Variants in FARP1 observed in about 807,000 individuals in gnomAD.
FARP1 encodes FERM, ARHGEF and pleckstrin domain-containing protein 1.
FARP1 carries 52 observed loss-of-function variants against 128.8 expected under a neutral mutation model. The ratio of observed to expected loss-of-function variants is 0.40; its 90% CI spans 0.32 to 0.51. FARP1 has a LOEUF of 0.51. Ranked by LOEUF, FARP1 falls within the 20% of genes least tolerant of loss-of-function variation. The pLI is 0.45. For synonymous variants in FARP1, 580 were observed against 551.8 expected (o/e 1.05, Z -0.72); for missense variants, 1,333 against 1,367.9 (o/e 0.97, Z 0.40).
At chr13:98,420,492 G>A (rs1347615498) in intron 16 of FARP1, among the ~76,000 whole-genome samples, 2 of 152,198 alleles carry the variant, frequency 1.3e-5, no homozygotes, top group Non-Finnish European at 2.9e-5. Context: ...TTGATACGAG[G>A]TCAGGAAGAC....
At position 98,176,446 on chromosome 13, in the gene FARP1, T is replaced by C; in HGVS notation, c.-24+32954T>C. The stretch of plus-strand genomic sequence containing the variant: ...CCTGCACTTGGTGACGACTGGGTTT[T>C]GGAAGGCCTGGCGACATATGAAACA... On this transcript the variant is annotated intron_variant, in intron 1 of 26. Transcript: ENST00000319562. The surrounding 1 kb of genome is among the most constrained non-coding windows in gnomAD (Gnocchi z 6.2). The C allele has an allele frequency of 1.2e-6, 2 of 1,614,240 alleles. No homozygotes were observed. The highest frequency in any genetic ancestry group is 1.7e-6 in the Non-Finnish European group (2 of 1,180,036).
At chr13:98,354,185 C>A (rs1340143524) in intron 3 of FARP1, among the ~76,000 whole-genome samples, 9 of 152,220 alleles carry the variant, frequency 5.9e-5, no homozygotes, top group African/African-American at 1.2e-4. Flanking sequence ...TACACAAGTG[C>A]ATAGGGATAG....
chr13:98,303,496 T>G (rs1232853027), intron 2 of FARP1, among the ~76,000 whole-genome samples: 3 of 152,188 alleles, frequency 2.0e-5, no homozygotes, highest in Middle Eastern at 3.2e-3. Flanking sequence ...TGAGGGAACT[T>G]GGTCCTCGTT....
chr13:98,333,977 A>G (rs1160655609), intron 2 of FARP1: 2 of 151,950 alleles, frequency 1.3e-5, no homozygotes, highest in Non-Finnish European at 2.9e-5. Context: ...CATCATCATC[A>G]TCATCCCAAA....
chr13:98,328,409 C>G (rs1177603837), intron 2 of FARP1: 1 of 152,210 alleles, frequency 6.6e-6, no homozygotes, highest in South Asian at 2.1e-4. Flanking sequence ...TCTTCTTGTT[C>G]ATGCCTTCAA....
chr13:98,192,960 C>T (rs1484088147), intron 1 of FARP1, among the ~76,000 whole-genome samples: 19 of 152,288 alleles, frequency 1.2e-4, no homozygotes, highest in South Asian at 6.2e-4. Flanking sequence ...ACGCAAACCC[C>T]GGCAGGGTGT....
chr13:98,177,831 C>T (rs1415727041), intron 1 of FARP1: 2 of 152,130 alleles, frequency 1.3e-5, no homozygotes, highest in Non-Finnish European at 2.9e-5. Context: ...CAGGCCATAG[C>T]GAACCGGTGG....
intron 2 of FARP1, among the ~76,000 whole-genome samples, chr13:98,323,495 A>G (rs1887098015): frequency 6.6e-6 from 1 of 151,824 alleles, no homozygotes; most frequent in African/African-American, 2.4e-5. Context: ...TTATAAGATC[A>G]ATAATAAATA....
intron 12 of FARP1, among the ~76,000 whole-genome samples, chr13:98,394,983 C>A (rs1890460278): frequency 6.6e-6 from 1 of 152,144 alleles, no homozygotes; most frequent in Non-Finnish European, 1.5e-5. Context: ...TCCTGGAAAG[C>A]AGAGACCGGG....
At chr13:98,262,944 GTC>G (rs1883948216) in intron 2 of FARP1, among the ~76,000 whole-genome samples, 2 of 152,134 alleles carry the variant, frequency 1.3e-5, no homozygotes, top group Non-Finnish European at 2.9e-5. Flanking sequence ...ATTTTACTAA[GTC>G]TCTGCCCCTT....
chr13:98,392,829 A>G (rs1890365666), intron 11 of FARP1, among the ~76,000 whole-genome samples: 1 of 90,484 alleles, frequency 1.1e-5, no homozygotes, highest in Admixed American at 1.2e-4. Flanking sequence ...GGTTTTTTTC[A>G]GGAGGTTTTT....
chr13:98,156,144 C>G (rs140537901), intron 1 of FARP1, among the ~76,000 whole-genome samples: 40 of 152,226 alleles, frequency 2.6e-4, no homozygotes, highest in African/African-American at 9.1e-4. Context: ...TTCTAAATAA[C>G]TAATTATAAA....
chr13:98,260,692 T>C (rs1243452811), intron 2 of FARP1, among the ~76,000 whole-genome samples: 3 of 152,182 alleles, frequency 2.0e-5, no homozygotes, highest in African/African-American at 4.8e-5. Flanking sequence ...AGAGGGGCTT[T>C]TTCATGTTGT....
rs1208211083 is a variant in FARP1, at chr13:98,176,991, G to A, written c.-24+33499G>A. On this transcript the variant is annotated intron_variant, in intron 1 of 26. Transcript: ENST00000319562. The surrounding 1 kb of genome is among the most constrained non-coding windows in gnomAD (Gnocchi z 6.2). ...CGAGGCTCTCAGGCGCCGCCTCCTC[G>A]CCCCTCCTGTCGCCGTGAGCCGCCT... 8.1e-6 allele frequency: 13 copies of A among 1,598,894 alleles called. No homozygotes were observed. Among genetic ancestry groups the A allele is most frequent in the African/African-American group, 2.7e-5 (2 of 74,970 alleles).
At chr13:98,149,729 C>CTTTTTT (rs71120307) in intron 1 of FARP1, among the ~76,000 whole-genome samples, 1 of 52,382 alleles carries the variant, frequency 1.9e-5, no homozygotes. Flanking sequence ...TAGATATTTA[C>CTTTTTT]TTTTTTTTTT....
At chr13:98,324,857 CCTT>C (rs1355032701) in intron 2 of FARP1, among the ~76,000 whole-genome samples, 1 of 152,234 alleles carries the variant, frequency 6.6e-6, no homozygotes, top group Non-Finnish European at 1.5e-5. Flanking sequence ...ACAGCGAAGA[CCTT>C]CTGACCTATG....
chr13:98,359,651 T>C (rs1888784269), intron 3 of FARP1, among the ~76,000 whole-genome samples: 1 of 152,322 alleles, frequency 6.6e-6, no homozygotes, highest in Non-Finnish European at 1.5e-5. Flanking sequence ...CTGTACCTTT[T>C]CTGTGTTTAG....
chr13:98,238,805 A>G (rs890556685), intron 2 of FARP1, among the ~76,000 whole-genome samples: 1 of 152,090 alleles, frequency 6.6e-6, no homozygotes, highest in Non-Finnish European at 1.5e-5. Context: ...TTGACTGGCT[A>G]TGTTACTGAT....
chr13:98,187,316 G>A (rs897732638), intron 1 of FARP1, among the ~76,000 whole-genome samples: 11 of 152,154 alleles, frequency 7.2e-5, no homozygotes, highest in African/African-American at 2.2e-4. Context: ...TGTTTACACT[G>A]TAATGTGATA....
Sources: allele counts gnomAD v4.1 joint callset (sites outside exome capture counted in the v4.1 genomes callset), GRCh38; gene constraint gnomAD v4.1.1; non-coding constraint Gnocchi (gnomAD v3.1); transcripts MANE v1.5; gene names NCBI Gene and HGNC (gene_info 2026-07-23, HGNC 2026-07-21).